Variants in PTPRT observed in about 807,000 individuals in gnomAD.
PTPRT encodes protein tyrosine phosphatase receptor type T, also known as receptor-type tyrosine-protein phosphatase T.
Under a neutral mutation model 176.8 loss-of-function variants are expected in PTPRT, and 56 were observed. That is an observed-to-expected ratio of 0.32 (90% CI 0.26 to 0.40). The LOEUF is 0.40. PTPRT is among the 10% of genes least tolerant of loss of function. The probability of loss-of-function intolerance (pLI) is 1.00; values close to 1 mark genes in which losing one functional copy is unlikely to be tolerated. For missense variants in PTPRT, 1,540 were observed against 1,908.2 expected, an observed-to-expected ratio of 0.81 and a Z score of 3.60; for synonymous variants, 783 against 739.0, an observed-to-expected ratio of 1.06 and a Z score of -0.96.
At chr20:42,987,682 A>G (rs1401614176) in intron 1 of PTPRT, among the ~76,000 whole-genome samples, 2 of 147,852 alleles carry the variant, frequency 1.4e-5, no homozygotes, top group Admixed American at 6.8e-5. Flanking sequence ...CCCCCATTCT[A>G]TCAGGAGTCA....
chr20:42,203,392 C>G (rs1163221814), intron 15 of PTPRT, among the ~76,000 whole-genome samples: 1 of 152,188 alleles, frequency 6.6e-6, no homozygotes, highest in East Asian at 1.9e-4. Context: ...AAACTAAGGA[C>G]TGGGCTTCAA....
In PTPRT at chr20:42,119,634, C is replaced by A. The variant is rs560421507; in HGVS notation, c.2884+301G>T. Among the ~76,000 whole-genome samples, 4 of 152,322 alleles carry A rather than the reference C, an allele frequency of 2.6e-5. No individual in the cohort carries two copies. In the East Asian group the frequency reaches 7.7e-4, roughly 29 times the overall value. On this transcript the variant is annotated intron_variant, in intron 20 of 30. Coordinates refer to ENST00000373187, the MANE Select transcript of PTPRT (RefSeq NM_007050.6). ...ACCTGCTTGGGCCTCTCCCTCCTGA[C>A]CAAGTGAAGCTCCTTGCTCTGTCAC...
At chr20:42,894,573 C>T (rs1435992467) in intron 1 of PTPRT, among the ~76,000 whole-genome samples, 2 of 152,024 alleles carry the variant, frequency 1.3e-5, no homozygotes, top group African/African-American at 4.8e-5. Flanking sequence ...GGTGGCAAAG[C>T]GTGGCTTTGA....
At chr20:42,323,788 AAAAG>A (rs1243930872) in intron 11 of PTPRT, among the ~76,000 whole-genome samples, 2 of 152,118 alleles carry the variant, frequency 1.3e-5, no homozygotes, top group Non-Finnish European at 2.9e-5. Context: ...AAAAATAAAA[AAAAG>A]AAAATATAAA....
rs997818654 is a variant in PTPRT, at chr20:42,821,866, A to G, written c.215-30400T>C. 4.9e-4 allele frequency among the ~76,000 whole-genome samples: 74 copies of G among 152,188 alleles called. 3 individuals are homozygous for G. Among genetic ancestry groups the G allele is most frequent in the Non-Finnish European group, 4.4e-5 (3 of 68,030 alleles). Reference sequence around the variant, plus strand: ...ATACAGCTAACAAGGGATGTGAAAGATCTCTTCAAGGAGAACTACAAACCA... The same window carrying G: ...ATACAGCTAACAAGGGATGTGAAAGGTCTCTTCAAGGAGAACTACAAACCA... On this transcript the variant is annotated intron_variant, in intron 2 of 30. Transcript: ENST00000373187.
At chr20:42,932,615 C>T (rs1006023653) in intron 1 of PTPRT, among the ~76,000 whole-genome samples, 1 of 152,146 alleles carries the variant, frequency 6.6e-6, no homozygotes, top group African/African-American at 2.4e-5. Context: ...CCAACGTGTC[C>T]CAGTTTTCCA....
intron 12 of PTPRT, among the ~76,000 whole-genome samples, chr20:42,283,059 T>A (rs919028758): frequency 2.0e-5 from 3 of 152,164 alleles, no homozygotes; most frequent in African/African-American, 7.2e-5. Flanking sequence ...TGAGCTCTTG[T>A]GTGGGCCTCG....
intron 7 of PTPRT, among the ~76,000 whole-genome samples, chr20:42,598,931 G>A (rs1383083937): frequency 4.6e-5 from 7 of 152,282 alleles, no homozygotes; most frequent in Middle Eastern, 3.4e-3. Context: ...CTAAATAAAC[G>A]AATGAAGAAG....
chr20:42,240,465 A>C (rs1267435207), intron 14 of PTPRT, among the ~76,000 whole-genome samples: 1 of 152,264 alleles, frequency 6.6e-6, no homozygotes, highest in Non-Finnish European at 1.5e-5. Flanking sequence ...AAACAAAACA[A>C]AACAATAACC....
Position 42,793,628 on chromosome 20 carries a change from C to A in PTPRT, c.215-2162G>T, listed in dbSNP as rs372362770. On this transcript the variant is annotated intron_variant, in intron 2 of 30. Transcript: ENST00000373187. ...CCAGTTTTATGGCCGTGCAGTAACA[C>A]AAGGTAAGTGGAGCAATGTCTCTAT... 9.2e-5 allele frequency among the ~76,000 whole-genome samples: 14 copies of A among 152,180 alleles called. No homozygotes were observed. In the East Asian group the frequency reaches 1.4e-3, roughly 15 times the overall value.
chr20:42,466,449 T>C (rs770861128), intron 8 of PTPRT, among the ~76,000 whole-genome samples: 7 of 152,196 alleles, frequency 4.6e-5, no homozygotes, highest in South Asian at 2.1e-4. Context: ...CTTTTGAACA[T>C]AGTATTCTCA....
chr20:42,807,448 T>C (rs2077627481), intron 2 of PTPRT, among the ~76,000 whole-genome samples: 1 of 152,168 alleles, frequency 6.6e-6, no homozygotes, highest in Non-Finnish European at 1.5e-5. Context: ...ATTTCCACCA[T>C]GGACTCTGTG....
intron 2 of PTPRT, among the ~76,000 whole-genome samples, chr20:42,843,272 T>G (rs965930927): frequency 1.3e-5 from 2 of 152,230 alleles, no homozygotes; most frequent in Non-Finnish European, 2.9e-5. Flanking sequence ...AATTACACAG[T>G]GCACATCTCA....
At chr20:42,710,552 T>C (rs1363984394) in intron 6 of PTPRT, among the ~76,000 whole-genome samples, 2 of 152,266 alleles carry the variant, frequency 1.3e-5, no homozygotes, top group Non-Finnish European at 2.9e-5. Flanking sequence ...GCAGGCTTTC[T>C]GATACATCCT....
At chr20:42,377,530 A>G (rs2058663296) in intron 9 of PTPRT, among the ~76,000 whole-genome samples, 1 of 152,212 alleles carries the variant, frequency 6.6e-6, no homozygotes, top group Non-Finnish European at 1.5e-5. Context: ...ACACATTCCC[A>G]GGAGATTCTG....
chr20:43,082,774 A>C (rs767629181), intron 1 of PTPRT, among the ~76,000 whole-genome samples: 1 of 152,100 alleles, frequency 6.6e-6, no homozygotes, highest in Non-Finnish European at 1.5e-5. Context: ...TCTTGAAATT[A>C]ACAAAGTTGC....
intron 12 of PTPRT, 44 bp downstream of exon 12, chr20:42,315,679 A>C (rs138818591): frequency 3.5e-4 from 557 of 1,590,568 alleles, no homozygotes; most frequent in Middle Eastern, 3.3e-3. Flanking sequence ...AGAATGAAAA[A>C]ATGCAAACAA....
intron 16 of PTPRT, among the ~76,000 whole-genome samples, chr20:42,164,574 T>G (rs1378717901): frequency 1.3e-5 from 2 of 152,170 alleles, no homozygotes; most frequent in Non-Finnish European, 2.9e-5. Context: ...CTTATTAACC[T>G]CTGATAATGC....
intron 15 of PTPRT, among the ~76,000 whole-genome samples, chr20:42,215,084 A>G (rs765408425): frequency 1.3e-5 from 2 of 152,254 alleles, no homozygotes; most frequent in Non-Finnish European, 2.9e-5. Flanking sequence ...CATTTGTTAC[A>G]TAATAGGTGA....
Sources: gnomAD v4.1 joint callset for allele counts (sites outside exome capture counted in the v4.1 genomes callset) on GRCh38, gnomAD v4.1.1 for gene constraint, MANE v1.5 for transcripts, NCBI Gene and HGNC (gene_info 2026-07-23, HGNC 2026-07-21) for gene names.